VAV2: variants seen among roughly 807,000 people sequenced by gnomAD.
VAV2 encodes guanine nucleotide exchange factor VAV2.
In VAV2, 67 loss-of-function variants were observed where a neutral mutation model predicts 132.5. The ratio of observed to expected loss-of-function variants is 0.51; its 90% CI spans 0.42 to 0.62. VAV2 has a LOEUF of 0.62. Ranked by LOEUF, VAV2 falls within the 20% of genes least tolerant of loss-of-function variation. The probability of loss-of-function intolerance (pLI) is 0.00; values close to 1 mark genes in which losing one functional copy is unlikely to be tolerated. For missense variants in VAV2, 938 were observed against 1,153.6 expected, an observed-to-expected ratio of 0.81 and a Z score of 2.71; for synonymous variants, 492 against 443.5, an observed-to-expected ratio of 1.11 and a Z score of -1.37.
chr9:133,904,002 T>A lies in VAV2; in HGVS notation c.321+35101A>T, dbSNP rs932851762. On this transcript the variant is annotated intron_variant, in intron 2 of 29. Transcript: ENST00000371850. The stretch of plus-strand genomic sequence containing the variant: ...TTTAAGTAAATGTTGAACTACTTCA[T>A]CTATCCCTAAAAGCTTATAAAATCA... Among the ~76,000 whole-genome samples, 13 of 152,260 alleles carry A rather than the reference T, an allele frequency of 8.5e-5. No homozygotes were observed. In the South Asian group the frequency reaches 2.7e-3, roughly 31 times the overall value.
intron 9 of VAV2, 69 bp from the exon 10 acceptor site, chr9:133,797,878 G>T: frequency 6.8e-7 from 1 of 1,464,792 alleles, no homozygotes; most frequent in Admixed American, 2.0e-5. Context: ...CAGTGAGCCC[G>T]TCCATTTTTC....
rs199592841 is a variant in VAV2, at chr9:133,792,678, AC to A, written c.1102-810del. Among the ~76,000 whole-genome samples the A allele has an allele frequency of 2.5e-3, 294 of 118,688 alleles. 1 individual carries two copies. The highest frequency in any genetic ancestry group is 0.011 in the East Asian group (42 of 3,654). 77.9% of individuals were successfully genotyped at this position (118,688 alleles called of 152,430 possible). A position where few individuals can be genotyped will look rare whatever the true frequency, so the allele number is the denominator to read the frequency against. ...CATGCAGGAGCTCAGCCCCCAAGGG[AC>A]CCCCCCCCCCACCCCCCACCCAGCA... On this transcript the variant is annotated intron_variant, in intron 12 of 29. Coordinates refer to ENST00000371850, the MANE Select transcript of VAV2 (RefSeq NM_001134398.2).
intron 1 of VAV2, among the ~76,000 whole-genome samples, chr9:133,948,305 C>T (rs1169038582): frequency 1.3e-5 from 2 of 152,280 alleles, no homozygotes; most frequent in African/African-American, 4.8e-5. Context: ...GGCGTCAGGC[C>T]AGCAGGCTGA....
In VAV2 at chr9:133,825,464, T is replaced by A. The variant is rs546490116; in HGVS notation, c.449+8808A>T. On this transcript the variant is annotated intron_variant, in intron 4 of 29. Coordinates refer to ENST00000371850, the MANE Select transcript of VAV2 (RefSeq NM_001134398.2). The stretch of plus-strand genomic sequence containing the variant: ...TTGCTTGTTTCTCGTGGGGCCGTTT[T>A]CGTGGAGTCTGCTTTCAAACTTGTC... Among the ~76,000 whole-genome samples, 24 of 152,266 alleles carry A rather than the reference T, an allele frequency of 1.6e-4. 1 individual carries two copies. In the South Asian group the frequency reaches 5.0e-3, roughly 32 times the overall value.
At chr9:133,954,775 CATGT>C (rs1225331124) in intron 1 of VAV2, among the ~76,000 whole-genome samples, 7 of 132,486 alleles carry the variant, frequency 5.3e-5, no homozygotes, top group African/African-American at 2.2e-4. Flanking sequence ...TGTGTGTGCA[CATGT>C]ATGTGTGCAT....
intron 25 of VAV2, among the ~76,000 whole-genome samples, chr9:133,774,384 T>G (rs921243658): frequency 2.0e-5 from 3 of 152,322 alleles, no homozygotes; most frequent in East Asian, 1.9e-4. Context: ...ACCAGCTCAG[T>G]GCTTGGTGGG....
Position 133,992,117 on chromosome 9 carries a change from G to GGAGCCGGA in VAV2, c.161_162insTCCGGCTC (p.Ile55ProfsTer21). 1 of 1,591,428 alleles carries GGAGCCGGA rather than the reference G, an allele frequency of 6.3e-7. No homozygotes were observed. Among genetic ancestry groups the GGAGCCGGA allele is most frequent in the Non-Finnish European group, 8.5e-7 (1 of 1,169,870 alleles). On this transcript the variant is annotated frameshift_variant, in exon 1 of 30. Coordinates refer to ENST00000371850, the MANE Select transcript of VAV2 (RefSeq NM_001134398.2). LOFTEE classifies it high-confidence loss of function. This position sits in a 1 kb window ranked among gnomAD's most constrained non-coding sequence, Gnocchi z 5.5. ...GGAAGTTGATGTCCTTGAGGTCGAT[G>GGAGCCGGA]GAGCCGGGGGAGAGGTTGTGCAGCA...
chr9:133,932,502 T>C (rs1840722431), intron 2 of VAV2, among the ~76,000 whole-genome samples: 1 of 152,158 alleles, frequency 6.6e-6, no homozygotes, highest in South Asian at 2.1e-4. Context: ...ACCTTCTGGA[T>C]CCTTTAGTTC....
intron 2 of VAV2, among the ~76,000 whole-genome samples, chr9:133,914,715 AG>A (rs2132054363): frequency 1.8e-4 from 2 of 10,892 alleles, no homozygotes; most frequent in Non-Finnish European, 3.6e-4. Flanking sequence ...AGGAGAGGGG[AG>A]GGATCACGGG....
At chr9:133,877,799 A>G (rs1427731301) in intron 2 of VAV2, among the ~76,000 whole-genome samples, 3 of 152,142 alleles carry the variant, frequency 2.0e-5, no homozygotes, top group Non-Finnish European at 4.4e-5. Context: ...TTTTAATGGG[A>G]AGGGGACTAA....
chr9:133,971,745 G>A (rs1053349520), intron 1 of VAV2, among the ~76,000 whole-genome samples: 1 of 152,116 alleles, frequency 6.6e-6, no homozygotes, highest in Non-Finnish European at 1.5e-5. Context: ...GTCCCCAGCT[G>A]TCAACAAAAC....
chr9:133,898,634 C>T (rs1839312062), intron 2 of VAV2, among the ~76,000 whole-genome samples: 2 of 152,022 alleles, frequency 1.3e-5, no homozygotes, highest in Admixed American at 1.3e-4. Context: ...TTTTAATCCC[C>T]TCAACTGGTA....
chr9:133,880,315 C>A (rs1838441531), intron 2 of VAV2, among the ~76,000 whole-genome samples: 1 of 152,166 alleles, frequency 6.6e-6, no homozygotes, highest in Non-Finnish European at 1.5e-5. Context: ...TGAGAGGGAG[C>A]CTCTGAACCA....
intron 10 of VAV2, among the ~76,000 whole-genome samples, 173 bp from the exon 11 acceptor site, chr9:133,796,697 G>GC (rs946012254): frequency 6.6e-6 from 1 of 152,110 alleles, no homozygotes; most frequent in African/African-American, 2.4e-5. Context: ...GTGTGCAGAG[G>GC]GGGGGGCTTC....
chr9:133,862,266 G>A (rs748106328), intron 2 of VAV2, among the ~76,000 whole-genome samples: 4 of 152,254 alleles, frequency 2.6e-5, no homozygotes, highest in Non-Finnish European at 4.4e-5. Flanking sequence ...CTAGCAGGCC[G>A]GAGACAGAGC....
chr9:133,937,983 A>T (rs2132131294), intron 2 of VAV2, among the ~76,000 whole-genome samples: 1 of 152,314 alleles, frequency 6.6e-6, no homozygotes, highest in East Asian at 1.9e-4. Flanking sequence ...TGGCTCCGGG[A>T]TCGCCCTTGT....
rs1842249050 is a variant in VAV2 at position 133,969,267 on chromosome 9, T to C, written c.204+22808A>G. Among the ~76,000 whole-genome samples the C allele has an allele frequency of 6.6e-6, 1 of 151,852 alleles. No homozygotes were observed. The highest frequency in any genetic ancestry group is 1.5e-5 in the Non-Finnish European group (1 of 68,012). On this transcript the variant is annotated intron_variant, in intron 1 of 29. Coordinates refer to ENST00000371850, the MANE Select transcript of VAV2 (RefSeq NM_001134398.2). This position sits in a 1 kb window ranked among gnomAD's most constrained non-coding sequence, Gnocchi z 5.1. ...CGGATGAACTGCGGCTTCTCACGGC[T>C]GCGCTGCTGGCATGGTAGAGAATAC... is the stretch of plus-strand genomic sequence containing the variant.
intron 2 of VAV2, among the ~76,000 whole-genome samples, chr9:133,916,090 C>T (rs1243601353): frequency 6.6e-6 from 1 of 152,242 alleles, no homozygotes; most frequent in East Asian, 1.9e-4. Context: ...TGCACACACG[C>T]ACCTTCCCTT....
chr9:133,907,795 G>A (rs1403547648), intron 2 of VAV2, among the ~76,000 whole-genome samples: 1 of 152,232 alleles, frequency 6.6e-6, no homozygotes, highest in Non-Finnish European at 1.5e-5. Context: ...CCAGTCATTG[G>A]CAGTCCAACT....
Sources: gnomAD v4.1 joint callset for allele counts (sites outside exome capture counted in the v4.1 genomes callset) on GRCh38, gnomAD v4.1.1 for gene constraint, Gnocchi (gnomAD v3.1) non-coding constraint, MANE v1.5 for transcripts, NCBI Gene and HGNC (gene_info 2026-07-23, HGNC 2026-07-21) for gene names.